Variants in FAM20A observed in about 807,000 individuals in gnomAD.
The protein encoded by FAM20A is FAM20A golgi associated secretory pathway pseudokinase.
In FAM20A, 42 loss-of-function variants were observed where a neutral mutation model predicts 52.0. The ratio of observed to expected loss-of-function variants is 0.81; its 90% CI spans 0.63 to 1.04. The LOEUF is 1.04. Among genes scored for constraint, FAM20A ranks in the 50% least tolerant of loss-of-function variants. The probability of loss-of-function intolerance (pLI) is 0.00; values close to 1 mark genes in which losing one functional copy is unlikely to be tolerated. For missense variants in FAM20A, 742 were observed against 712.7 expected, an observed-to-expected ratio of 1.04 and a Z score of -0.47; for synonymous variants, 304 against 298.9, an observed-to-expected ratio of 1.02 and a Z score of -0.18.
chr17:68,537,589 A>G lies in FAM20A; in HGVS notation c.1514T>C (p.Ile505Thr), dbSNP rs373457690. ...TATGCACCCCTCCACTGTCCTTAGGATGGTTTGGAGCCTTCGATCCAGGGC... is the reference window on the plus strand; with the variant it reads ...TATGCACCCCTCCACTGTCCTTAGGGTGGTTTGGAGCCTTCGATCCAGGGC... ...LLALDRRLQT[I>T]LRTVEGCIVA... Residue 505 changes from isoleucine to threonine, a missense_variant, in exon 11 of 11, where the codon ATC becomes ACC. By Grantham distance (89) the Ile-to-Thr change is moderately conservative (BLOSUM62 -1). Coordinates refer to ENST00000592554, the MANE Select transcript of FAM20A (RefSeq NM_017565.4). This position sits in a 1 kb window ranked among gnomAD's most constrained non-coding sequence, Gnocchi z 4.2. 6.2e-7 allele frequency: 1 copy of G among 1,613,414 alleles called. No homozygotes were observed. Among genetic ancestry groups the G allele is most frequent in the Non-Finnish European group, 8.5e-7 (1 of 1,179,624 alleles).
Position 68,535,193 on chromosome 17 carries a change from G to GA in FAM20A, c.*2283dup. ...ATGCTGGAAGAACTCGAGTAAGAAT[G>GA]AAACGGTTGGTTTTCTGATATTTTT... is the stretch of plus-strand genomic sequence containing the variant. On this transcript the variant is annotated 3_prime_UTR_variant, in exon 11 of 11. Transcript: ENST00000592554. 1 of 444,428 alleles carries GA rather than the reference G, an allele frequency of 2.3e-6. No individual in the cohort carries two copies. Among genetic ancestry groups the GA allele is most frequent in the Non-Finnish European group, 4.5e-6 (1 of 220,632 alleles). 27.5% of individuals were successfully genotyped at this position (444,428 alleles called of 1,614,324 possible). A position where few individuals can be genotyped will look rare whatever the true frequency, so the allele number is the denominator to read the frequency against.
chr17:68,550,228 A>G (rs1234925107), intron 4 of FAM20A, among the ~76,000 whole-genome samples: 2 of 152,162 alleles, frequency 1.3e-5, no homozygotes, highest in East Asian at 1.9e-4. Context: ...TTCTAAATCT[A>G]TATACTGTTT....
At chr17:68,543,774 G>T in intron 4 of FAM20A, 53 bp from the exon 5 acceptor site, 1 of 1,483,538 alleles carries the variant, frequency 6.7e-7, no homozygotes, top group South Asian at 1.1e-5. Flanking sequence ...CTGGGAGCCT[G>T]AGAAGAGAGC....
chr17:68,548,833 C>T (rs934933659), intron 4 of FAM20A, among the ~76,000 whole-genome samples: 3 of 148,148 alleles, frequency 2.0e-5, no homozygotes, highest in Non-Finnish European at 4.5e-5. Context: ...CCCGGGTTCA[C>T]GCCATTCTCC....
At chr17:68,539,252 T>G in intron 10 of FAM20A, 85 bp downstream of exon 10, 1 of 1,371,740 alleles carries the variant, frequency 7.3e-7, no homozygotes, top group Non-Finnish European at 1.0e-6. Context: ...CAGTGAAAAC[T>G]GGAAGCCCTT....
At chr17:68,548,529 CAAA>C (rs985971024) in intron 4 of FAM20A, among the ~76,000 whole-genome samples, 1 of 140,430 alleles carries the variant, frequency 7.1e-6, no homozygotes, top group Non-Finnish European at 1.6e-5. Context: ...GACTCTGTCT[CAAA>C]AAAAAAAAGT....
chr17:68,600,187 A>G lies in FAM20A; in HGVS notation c.404+76T>C. The G allele has an allele frequency of 6.7e-7, 1 of 1,497,968 alleles. No homozygotes were observed. The highest frequency in any genetic ancestry group is 9.0e-7 in the Non-Finnish European group (1 of 1,116,684). The allele number at this position is 1,497,968 out of a possible 1,614,324, so 92.8% of individuals were successfully genotyped here. ...GCTGCAGCCCTGGGCCGGGGGCGTCAGGAAACTCGAGACTGGGGCGCGGGG... is the reference window on the plus strand; with the variant it reads ...GCTGCAGCCCTGGGCCGGGGGCGTCGGGAAACTCGAGACTGGGGCGCGGGG... On this transcript the variant is annotated intron_variant, in intron 1 of 10. Coordinates refer to ENST00000592554, the MANE Select transcript of FAM20A (RefSeq NM_017565.4). This position sits in a 1 kb window ranked among gnomAD's most constrained non-coding sequence, Gnocchi z 6.2.
intron 1 of FAM20A, among the ~76,000 whole-genome samples, chr17:68,579,552 T>C (rs967809292): frequency 6.6e-6 from 1 of 152,208 alleles, no homozygotes; most frequent in African/African-American, 2.4e-5. Flanking sequence ...AAAATCCATC[T>C]GAATTCATTT....
At chr17:68,597,213 C>CA (rs1278183705) in intron 1 of FAM20A, among the ~76,000 whole-genome samples, 2 of 118,818 alleles carry the variant, frequency 1.7e-5, no homozygotes, top group African/African-American at 6.5e-5. Flanking sequence ...GTATGATGGT[C>CA]AAAATTACAA....
chr17:68,554,241 T>C (rs575683021), intron 3 of FAM20A, among the ~76,000 whole-genome samples: 6 of 152,164 alleles, frequency 3.9e-5, no homozygotes, highest in African/African-American at 1.4e-4. Context: ...AGTGAATCTC[T>C]TGCCTCAGCC....
At chr17:68,543,025 C>A (rs1006488616) in intron 5 of FAM20A, among the ~76,000 whole-genome samples, 1 of 152,110 alleles carries the variant, frequency 6.6e-6, no homozygotes, top group African/African-American at 2.4e-5. Flanking sequence ...GAAAATGAAT[C>A]CTTATTCCGT....
At chr17:68,577,068 T>C (rs2087791983) in intron 1 of FAM20A, among the ~76,000 whole-genome samples, 1 of 152,214 alleles carries the variant, frequency 6.6e-6, no homozygotes, top group East Asian at 1.9e-4. Context: ...ATTCTTGTTT[T>C]GGCTATAGAG....
rs2088604775 is a variant in FAM20A, at chr17:68,600,808, G to T, written c.-142C>A. 25 of 909,904 alleles carry T rather than the reference G, an allele frequency of 2.7e-5. No homozygotes were observed. In the South Asian group the frequency reaches 4.3e-4, roughly 16 times the overall value. 56.4% of individuals were successfully genotyped at this position (909,904 alleles called of 1,614,324 possible). On this transcript the variant is annotated 5_prime_UTR_variant, in exon 1 of 11. Transcript: ENST00000592554. This position sits in a 1 kb window ranked among gnomAD's most constrained non-coding sequence, Gnocchi z 6.2. ...TGAGACCGGAATGCTCCCCGCGCGGGCTAGTCCCCTGTGGAGGGGTGTCGC... is the reference window on the plus strand; with the variant it reads ...TGAGACCGGAATGCTCCCCGCGCGGTCTAGTCCCCTGTGGAGGGGTGTCGC...
chr17:68,569,574 A>C (rs1365378681), intron 1 of FAM20A, among the ~76,000 whole-genome samples: 1 of 152,240 alleles, frequency 6.6e-6, no homozygotes, highest in African/African-American at 2.4e-5. Context: ...TTACATTTAA[A>C]CTAATAAAAA....
At chr17:68,551,272 G>A in intron 4 of FAM20A, 6 of 502,654 alleles carry the variant, frequency 1.2e-5, no homozygotes. Flanking sequence ...TTCAAGGCAT[G>A]TAGTTGCTGT....
intron 1 of FAM20A, among the ~76,000 whole-genome samples, chr17:68,557,211 A>AT (rs2087079365): frequency 6.6e-6 from 1 of 152,064 alleles, no homozygotes; most frequent in African/African-American, 2.4e-5. Context: ...AAAAAAAAAA[A>AT]AATTACTTTT....
In FAM20A at chr17:68,600,346, C is replaced by A. The variant is rs568029338; in HGVS notation, c.321G>T (p.Pro107=). Residue 107 remains proline, a synonymous_variant, in exon 1 of 11, where the codon CCG becomes CCT. Transcript: ENST00000592554. The surrounding 1 kb of genome is among the most constrained non-coding windows in gnomAD (Gnocchi z 6.2). ...AHPLYNVPEE[P]PLLGAEDSLL... The stretch of plus-strand genomic sequence containing the variant: ...GCGAGTCCTCGGCTCCCAGGAGAGG[C>A]GGCTCCTCCGGGACGTTGTACAGCG... The A allele has an allele frequency of 3.1e-6, 5 of 1,598,052 alleles. No homozygotes were observed. The Admixed American group carries it at 8.6e-5, about 27-fold the overall frequency.
chr17:68,538,341 G>T (rs1271170371), intron 10 of FAM20A, among the ~76,000 whole-genome samples: 1 of 152,246 alleles, frequency 6.6e-6, no homozygotes, highest in Admixed American at 6.5e-5. Flanking sequence ...TGCTCTGGAG[G>T]CAGGGAAGGG....
chr17:68,580,554 G>T (rs979577662), intron 1 of FAM20A, among the ~76,000 whole-genome samples: 1 of 152,174 alleles, frequency 6.6e-6, no homozygotes, highest in African/African-American at 2.4e-5. Flanking sequence ...AGTAAAACCC[G>T]CCCAGAGAGG....
Sources: gnomAD v4.1 joint callset for allele counts (sites outside exome capture counted in the v4.1 genomes callset) on GRCh38, gnomAD v4.1.1 for gene constraint, Gnocchi (gnomAD v3.1) non-coding constraint, MANE v1.5 for transcripts, NCBI Gene and HGNC (gene_info 2026-07-23, HGNC 2026-07-21) for gene names.